Variants in CFDP1 observed in about 807,000 individuals in gnomAD.
The protein encoded by CFDP1 is chromatin remodeling protein CFDP1.
Under a neutral mutation model 40.1 loss-of-function variants are expected in CFDP1, and 31 were observed. The ratio of observed to expected loss-of-function variants is 0.77; its 90% confidence interval spans 0.58 to 1.04. The LOEUF is 1.04. Among genes scored for constraint, CFDP1 ranks in the 50% least tolerant of loss-of-function variants. The probability of loss-of-function intolerance (pLI) is 0.00; values close to 1 mark genes in which losing one functional copy is unlikely to be tolerated. For synonymous variants in CFDP1, 167 were observed against 120.0 expected, an observed-to-expected ratio of 1.39 and a Z score of -2.56; for missense variants, 423 against 343.4, an observed-to-expected ratio of 1.23 and a Z score of -1.83.
chr16:75,381,305 A>T (rs1340095924), intron 5 of CFDP1: 1 of 152,164 alleles, frequency 6.6e-6, no homozygotes, highest in African/African-American at 2.4e-5. Context: ...CTCAATAAAA[A>T]ATTAAAATTA....
chr16:75,404,517 G>T (rs191259564), intron 4 of CFDP1, among the ~76,000 whole-genome samples: 1 of 152,036 alleles, frequency 6.6e-6, no homozygotes, highest in Non-Finnish European at 1.5e-5. Flanking sequence ...CACCGCGCCC[G>T]GCCGCAAAGG....
At chr16:75,397,611 G>A (rs2079007693) in intron 4 of CFDP1, among the ~76,000 whole-genome samples, 2 of 152,030 alleles carry the variant, frequency 1.3e-5, no homozygotes, top group African/African-American at 4.8e-5. Context: ...GACCAGCCAG[G>A]CCAACATGGT....
chr16:75,343,656 A>G lies in CFDP1; in HGVS notation c.651-38474T>C, dbSNP rs541894433. 1.3e-3 allele frequency among the ~76,000 whole-genome samples: 199 copies of G among 152,322 alleles called. 1 individual carries two copies. The highest frequency in any genetic ancestry group is 2.2e-3 in the Non-Finnish European group (151 of 68,038). On this transcript the variant is annotated intron_variant, in intron 5 of 6. Coordinates refer to ENST00000283882, the MANE Select transcript of CFDP1 (RefSeq NM_006324.3). ...TTCATCACTAGCTCAATTATTTTAC[A>G]AGCTTCCAAAAAGAAACTAGGCAGT...
chr16:75,355,242 A>G lies in CFDP1; in HGVS notation c.650+39848T>C, dbSNP rs191662225. ...TGCTGAAGGCTGGGGTAATTGTGGC[A>G]ATTTCTTAAAATAAAACAACAGTGA... On this transcript the variant is annotated intron_variant, in intron 5 of 6. Coordinates refer to ENST00000283882, the MANE Select transcript of CFDP1 (RefSeq NM_006324.3). 4.1e-3 allele frequency among the ~76,000 whole-genome samples: 632 copies of G among 152,292 alleles called. 4 individuals carry two copies. Among genetic ancestry groups the G allele is most frequent in the Non-Finnish European group, 6.0e-3 (406 of 68,030 alleles).
chr16:75,333,358 C>T (rs984750493), intron 5 of CFDP1, among the ~76,000 whole-genome samples: 6 of 147,006 alleles, frequency 4.1e-5, no homozygotes, highest in African/African-American at 1.5e-4. Flanking sequence ...CTCCTCACCT[C>T]GTGATCCGCC....
intron 4 of CFDP1, among the ~76,000 whole-genome samples, chr16:75,402,445 T>C (rs1441586754): frequency 2.6e-5 from 4 of 152,206 alleles, no homozygotes. Flanking sequence ...AAATACTATA[T>C]TCCCCCATTC....
intron 5 of CFDP1, among the ~76,000 whole-genome samples, chr16:75,354,915 G>A (rs113442172): frequency 6.6e-6 from 1 of 152,202 alleles, no homozygotes; most frequent in Non-Finnish European, 1.5e-5. Context: ...GACACATGCA[G>A]GGACACCTAG....
chr16:75,354,369 T>C (rs191500466), intron 5 of CFDP1, among the ~76,000 whole-genome samples: 37 of 152,266 alleles, frequency 2.4e-4, no homozygotes, highest in Non-Finnish European at 4.7e-4. Flanking sequence ...TTCACTGTTG[T>C]GGAGAAGAAA....
intron 5 of CFDP1, among the ~76,000 whole-genome samples, chr16:75,310,261 T>C (rs1296681181): frequency 6.6e-6 from 1 of 152,226 alleles, no homozygotes; most frequent in Admixed American, 6.5e-5. Context: ...GTGCAGCTCA[T>C]ACTGGTGAAA....
chr16:75,432,436 A>C (rs2079432766), intron 1 of CFDP1, among the ~76,000 whole-genome samples: 1 of 104,526 alleles, frequency 9.6e-6, no homozygotes, highest in Non-Finnish European at 2.3e-5. Context: ...CTGCAGTCCC[A>C]GCTACTCCAG....
intron 5 of CFDP1, among the ~76,000 whole-genome samples, chr16:75,393,782 G>T (rs12149936): frequency 1.9e-5 from 2 of 103,218 alleles, no homozygotes; most frequent in Non-Finnish European, 4.1e-5. Context: ...AAGTGGGGCC[G>T]GGCCCGGTGG....
At chr16:75,418,493 T>C (rs2550916) in intron 1 of CFDP1, among the ~76,000 whole-genome samples, 23,247 of 151,416 alleles carry the variant, frequency 0.15, 2,303 homozygotes, top group Non-Finnish European at 0.22. Context: ...GTATTTTTAG[T>C]AGAGATGGGG....
chr16:75,390,686 G>A (rs2078940870), intron 5 of CFDP1, among the ~76,000 whole-genome samples: 1 of 152,238 alleles, frequency 6.6e-6, no homozygotes, highest in South Asian at 2.1e-4. Flanking sequence ...CTAAGAGGCT[G>A]CAGAGAGAGA....
chr16:75,379,557 C>T (rs554969080), intron 5 of CFDP1, among the ~76,000 whole-genome samples: 3 of 152,210 alleles, frequency 2.0e-5, no homozygotes, highest in South Asian at 2.1e-4. Flanking sequence ...TTTAAAAACT[C>T]CCAAAAAGGA....
At chr16:75,335,553 C>T (rs1052779924) in intron 5 of CFDP1, among the ~76,000 whole-genome samples, 1 of 137,190 alleles carries the variant, frequency 7.3e-6, no homozygotes, top group South Asian at 2.3e-4. Context: ...GACAAATCTC[C>T]ATTTTTTTTT....
In CFDP1 at chr16:75,395,020, A is replaced by C. The variant is rs926905064; in HGVS notation, c.650+70T>G. On this transcript the variant is annotated intron_variant, in intron 5 of 6. Coordinates refer to ENST00000283882, the MANE Select transcript of CFDP1 (RefSeq NM_006324.3). ...AGGCAAGGAGTCTGATCTGCAGCGA[A>C]AGTAGGTATTTGCACTGAAAGCTTC... 18 of 1,583,004 alleles carry C rather than the reference A, an allele frequency of 1.1e-5. No homozygotes were observed. In the Admixed American group the frequency reaches 3.1e-4, roughly 27 times the overall value.
intron 6 of CFDP1, among the ~76,000 whole-genome samples, chr16:75,299,164 G>T (rs2078204574): frequency 6.6e-6 from 1 of 152,190 alleles, no homozygotes; most frequent in Non-Finnish European, 1.5e-5. Flanking sequence ...CAGAGGAAAA[G>T]CAGCAATTCT....
intron 3 of CFDP1, among the ~76,000 whole-genome samples, 169 bp from the exon 4 acceptor site, chr16:75,412,121 G>A (rs1255308618): frequency 6.6e-6 from 1 of 152,086 alleles, no homozygotes; most frequent in Non-Finnish European, 1.5e-5. Context: ...AGGTTAAAGC[G>A]ATTCTCCTTG....
chr16:75,299,323 C>G (rs1330123238), intron 6 of CFDP1, among the ~76,000 whole-genome samples: 1 of 152,018 alleles, frequency 6.6e-6, no homozygotes, highest in East Asian at 1.9e-4. Flanking sequence ...TGCAGTGGCT[C>G]ACGCCTGTAA....
Sources: allele counts gnomAD v4.1 joint callset (sites outside exome capture counted in the v4.1 genomes callset), GRCh38; gene constraint gnomAD v4.1.1; transcripts MANE v1.5; gene names NCBI Gene and HGNC (gene_info 2026-07-23, HGNC 2026-07-21).